ATP8B4: variants seen among roughly 807,000 people sequenced by gnomAD.
ATP8B4 encodes the protein probable phospholipid-transporting ATPase IM.
Under a neutral mutation model 145.6 loss-of-function variants are expected in ATP8B4, and 133 were observed. The ratio of observed to expected loss-of-function variants is 0.91; its 90% CI spans 0.79 to 1.05. The LOEUF (loss-of-function observed/expected upper bound fraction) is 1.05. Among genes scored for constraint, ATP8B4 ranks in the 50% least tolerant of loss-of-function variants. ATP8B4 has a pLI of 0.00. For synonymous variants in ATP8B4, 507 were observed against 492.9 expected (o/e 1.03, Z -0.38); for missense variants, 1,458 against 1,425.2 (o/e 1.02, Z -0.37).
At chr15:50,050,519 T>C (rs1878885481) in intron 3 of ATP8B4, among the ~76,000 whole-genome samples, 1 of 152,110 alleles carries the variant, frequency 6.6e-6, no homozygotes, top group African/African-American at 2.4e-5. Flanking sequence ...ATCTTGAGTA[T>C]ACTATCTAAA....
intron 13 of ATP8B4, among the ~76,000 whole-genome samples, chr15:49,962,238 G>A (rs2044147990): frequency 6.6e-6 from 1 of 152,172 alleles, no homozygotes; most frequent in African/African-American, 2.4e-5. Context: ...TAGGACTAAA[G>A]TGCAGTAGGC....
intron 12 of ATP8B4, among the ~76,000 whole-genome samples, chr15:49,976,138 T>C (rs76038778): frequency 6.6e-6 from 1 of 152,324 alleles, no homozygotes; most frequent in Non-Finnish European, 1.5e-5. Flanking sequence ...TTTTTCTCCC[T>C]GAAATTACAC....
At chr15:49,933,552 T>A (rs1337977075) in intron 15 of ATP8B4, among the ~76,000 whole-genome samples, 1 of 152,086 alleles carries the variant, frequency 6.6e-6, no homozygotes, top group Non-Finnish European at 1.5e-5. Flanking sequence ...AATATCAAGG[T>A]CAATTTATCT....
At chr15:50,059,876 G>A (rs1254976216) in intron 3 of ATP8B4, among the ~76,000 whole-genome samples, 1 of 152,172 alleles carries the variant, frequency 6.6e-6, no homozygotes, top group Non-Finnish European at 1.5e-5. Flanking sequence ...AGGGCTGGAG[G>A]AGGCAAAACC....
chr15:49,876,360 C>G lies in ATP8B4; in HGVS notation c.2945G>C (p.Gly982Ala). 1 of 1,614,092 alleles carries G rather than the reference C, an allele frequency of 6.2e-7. No individual in the cohort carries two copies. The highest frequency in any genetic ancestry group is 8.5e-7 in the Non-Finnish European group (1 of 1,179,988). ...GTCAGCAATATGTTGCCCATCTTCT[C>G]CAGCCACGTTGTAAAAGGCCCCATA... is the stretch of plus-strand genomic sequence containing the variant. The part of the protein sequence containing the change: ...IPYGAFYNVA[G>A]EDGQHIADYQ... Residue 982 changes from glycine (G) to alanine (A), a missense_variant, in exon 25 of 28, where the codon GGA becomes GCA. Coordinates refer to ENST00000284509, the MANE Select transcript of ATP8B4 (RefSeq NM_024837.4).
chr15:49,862,156 C>A, intron 27 of ATP8B4, 89 bp downstream of exon 27: 1 of 1,465,614 alleles, frequency 6.8e-7, no homozygotes, highest in Non-Finnish European at 9.3e-7. Context: ...TTTCATTAGC[C>A]CATCTCTGAG....
intron 22 of ATP8B4, 70 bp from the exon 23 acceptor site, chr15:49,897,585 C>T: frequency 1.5e-6 from 2 of 1,313,788 alleles, no homozygotes; most frequent in Non-Finnish European, 2.0e-6. Context: ...CTTGTCATTC[C>T]TCTTTTATTT....
chr15:50,077,748 AG>A (rs1453123485), intron 2 of ATP8B4, among the ~76,000 whole-genome samples: 1 of 152,158 alleles, frequency 6.6e-6, no homozygotes, highest in East Asian at 1.9e-4. Context: ...CCACAAAGAG[AG>A]CAGACAACAC....
At position 49,923,447 on chromosome 15, in the gene ATP8B4, T is replaced by A; in HGVS notation, c.1690A>T (p.Thr564Ser). 1 of 1,613,122 alleles carries A rather than the reference T, an allele frequency of 6.2e-7. No homozygotes were observed. The highest frequency in any genetic ancestry group is 2.2e-5 in the East Asian group (1 of 44,870). ...QIKLYSKGAD[T>S]ILFEKLHPSN... ...GGATGAAGTTTTTCAAACAGAATAG[T>A]ATCTGCTCCTTTGGAATAAAGCTTT... The change falls in exon 17 of 28, where the codon ACT becomes TCT. Residue 564 changes from threonine to serine, a missense_variant. Coordinates refer to ENST00000284509, the MANE Select transcript of ATP8B4 (RefSeq NM_024837.4).
chr15:49,998,479 T>C (rs1306716623), intron 8 of ATP8B4, among the ~76,000 whole-genome samples: 1 of 152,244 alleles, frequency 6.6e-6, no homozygotes, highest in African/African-American at 2.4e-5. Context: ...TTTGCATTTC[T>C]CTGATGGCCA....
intron 1 of ATP8B4, among the ~76,000 whole-genome samples, chr15:50,181,527 C>CA (rs2044847336): frequency 6.6e-6 from 1 of 152,188 alleles, no homozygotes. Context: ...AAAATAATGT[C>CA]AAAGCTTGAT....
chr15:50,001,921 C>T (rs1015880711), intron 8 of ATP8B4, among the ~76,000 whole-genome samples: 7 of 152,190 alleles, frequency 4.6e-5, no homozygotes, highest in Non-Finnish European at 1.0e-4. Flanking sequence ...ACTGAAGATT[C>T]TCTGTGTAAA....
intron 20 of ATP8B4, among the ~76,000 whole-genome samples, chr15:49,914,725 CATTA>C (rs995068907): frequency 1.3e-5 from 2 of 152,038 alleles, no homozygotes; most frequent in African/African-American, 2.4e-5. Context: ...TGCTCAACAT[CATTA>C]ATTATCAGAG....
chr15:50,047,458 G>T lies in ATP8B4; in HGVS notation c.94C>A (p.Arg32Ser), dbSNP rs142280058. ...ATATTATATTTCGATGTGTGGATAC[G>T]ATTATCCTGGAAAAGAAATAGCATC... ...YNEKFQYADN[R>S]IHTSKYNILT... is the part of the protein sequence containing the mutation. The change falls in exon 4 of 28, where the codon CGT becomes AGT. Residue 32 changes from arginine to serine, a missense_variant. Transcript: ENST00000284509. The T allele has an allele frequency of 2.0e-6, 3 of 1,536,344 alleles. No homozygotes were observed. Among genetic ancestry groups the T allele is most frequent in the African/African-American group, 1.4e-5 (1 of 73,260 alleles).
intron 6 of ATP8B4, among the ~76,000 whole-genome samples, chr15:50,021,001 T>A (rs1389665023): frequency 2.0e-5 from 3 of 152,158 alleles, no homozygotes; most frequent in African/African-American, 7.2e-5. Context: ...GCAAGAAGTA[T>A]GCAAGTATAC....
intron 2 of ATP8B4, among the ~76,000 whole-genome samples, chr15:50,086,704 ATT>A: frequency 1.1e-5 from 1 of 93,440 alleles, no homozygotes; most frequent in East Asian, 2.8e-4. Flanking sequence ...AGAGATCTAT[ATT>A]ATTATATATA....
chr15:49,998,141 T>C (rs1487923538), intron 8 of ATP8B4, among the ~76,000 whole-genome samples: 1 of 152,180 alleles, frequency 6.6e-6, no homozygotes, highest in East Asian at 1.9e-4. Flanking sequence ...TTCCTCAGGA[T>C]CCTCTCCACT....
At chr15:50,083,761 T>G (rs2054712189) in intron 2 of ATP8B4, among the ~76,000 whole-genome samples, 1 of 152,228 alleles carries the variant, frequency 6.6e-6, no homozygotes, top group African/African-American at 2.4e-5. Context: ...CTCAGCTCCC[T>G]GAATCCATAT....
chr15:50,146,203 G>C (rs553755899), intron 1 of ATP8B4, among the ~76,000 whole-genome samples: 1 of 151,690 alleles, frequency 6.6e-6, no homozygotes, highest in African/African-American at 2.4e-5. Context: ...TAGTAGAGAC[G>C]GGGTTTCACC....
Sources: gnomAD v4.1 joint callset for allele counts (sites outside exome capture counted in the v4.1 genomes callset) on GRCh38, gnomAD v4.1.1 for gene constraint, MANE v1.5 for transcripts, NCBI Gene and HGNC (gene_info 2026-07-23, HGNC 2026-07-21) for gene names.